BSN: variants seen among roughly 807,000 people sequenced by gnomAD.
The protein encoded by BSN is protein bassoon.
In BSN, 57 loss-of-function variants were observed where a neutral mutation model predicts 264.8. The ratio of observed to expected loss-of-function variants is 0.22; its 90% CI spans 0.17 to 0.27. The LOEUF is 0.27. Ranked by LOEUF, BSN falls within the 10% of genes least tolerant of loss-of-function variation. The pLI, the probability that BSN is intolerant of heterozygous loss-of-function variation, is 1.00. For missense variants in BSN, 4,615 were observed against 5,232.5 expected, an observed-to-expected ratio of 0.88 and a Z score of 3.64; for synonymous variants, 2,059 against 2,137.3, an observed-to-expected ratio of 0.96 and a Z score of 1.01.
chr3:49,654,578 C>G lies in BSN; in HGVS notation c.5022C>G (p.Pro1674=), dbSNP rs768537032. The change falls in exon 5 of 12, where the codon CCC becomes CCG. Residue 1674 remains proline (P), a synonymous_variant. Coordinates refer to ENST00000296452, the MANE Select transcript of BSN (RefSeq NM_003458.4). This position sits in a 1 kb window ranked among gnomAD's most constrained non-coding sequence, Gnocchi z 4.1. The stretch of plus-strand genomic sequence containing the variant: ...TAGACCTCCGTACAGCTGTCAAGCC[C>G]ACTCCCATCATCCTCACTGACCAGG... ...AVVDLRTAVK[P]TPIILTDQGM... 5 of 1,611,862 alleles carry G rather than the reference C, an allele frequency of 3.1e-6. No homozygotes were observed. The highest frequency in any genetic ancestry group is 1.7e-4 in the Middle Eastern group (1 of 6,048).
rs1200789717 is a variant in BSN at position 49,657,739 on chromosome 3, G to A, written c.8183G>A (p.Gly2728Asp). 2 of 1,549,616 alleles carry A rather than the reference G, an allele frequency of 1.3e-6. No individual in the cohort carries two copies. The highest frequency in any genetic ancestry group is 4.5e-5 in the East Asian group (2 of 44,306). The change falls in exon 5 of 12, where the codon GGT (glycine) becomes GAT (aspartate). Residue 2728 changes from glycine to aspartate, a missense_variant. Gly to Asp is a moderately conservative substitution (Grantham distance 94, BLOSUM62 -1). This residue lies in a region of BSN where 3,415 missense variants were observed against 3,866.4 expected (regional missense o/e 0.88). Coordinates refer to ENST00000296452, the MANE Select transcript of BSN (RefSeq NM_003458.4). ...CQTEPDGQAQ[G>D]VAGPQLVGPT... ...ACGGAGCCAGATGGGCAGGCCCAGGGTGTAGCCGGGCCGCAGCTTGTAGGG... is the reference window on the plus strand; with the variant it reads ...ACGGAGCCAGATGGGCAGGCCCAGGATGTAGCCGGGCCGCAGCTTGTAGGG...
rs1398286461 is a variant in BSN at position 49,656,296 on chromosome 3, T to C, written c.6740T>C (p.Ile2247Thr). 1.2e-6 allele frequency: 2 copies of C among 1,613,262 alleles called. No homozygotes were observed. The highest frequency in any genetic ancestry group is 1.7e-5 in the Admixed American group (1 of 60,014). The part of the protein sequence containing the change: ...PLTSLTRVPM[I>T]APRVPLGPTG... ...ACCAGTCTGACACGTGTGCCCATGA[T>C]TGCCCCCCGGGTACCTCTTGGACCC... Residue 2247 changes from isoleucine to threonine, a missense_variant, in exon 5 of 12, where the codon ATT (isoleucine) becomes ACT (threonine). This residue lies in a region of BSN where 3,415 missense variants were observed against 3,866.4 expected (regional missense o/e 0.88). Transcript: ENST00000296452.
At chr3:49,623,542 C>G (rs889828974) in intron 1 of BSN, among the ~76,000 whole-genome samples, 3 of 152,208 alleles carry the variant, frequency 2.0e-5, no homozygotes, top group African/African-American at 7.2e-5. Context: ...TCCTTTGCAG[C>G]CAGATTGGGA....
At position 49,654,216 on chromosome 3, in the gene BSN, G is replaced by A. The variant is rs548526100; in HGVS notation, c.4660G>A (p.Ala1554Thr). The change falls in exon 5 of 12, where the codon GCT (alanine) becomes ACT (threonine). Residue 1554 changes from alanine (A) to threonine (T), a missense_variant. By Grantham distance (58) the Ala-to-Thr change is moderately conservative. Transcript: ENST00000296452. The surrounding 1 kb of genome is among the most constrained non-coding windows in gnomAD (Gnocchi z 4.1). The stretch of plus-strand genomic sequence containing the variant: ...GGTGTGGCAGGAGTCCTCTCAAGAG[G>A]CTCCCTTTATGGTCATCACGCTGGC... ...RLVWQESSQE[A>T]PFMVITLASD... 2 of 1,613,744 alleles carry A rather than the reference G, an allele frequency of 1.2e-6. No individual in the cohort carries two copies. Among genetic ancestry groups the A allele is most frequent in the South Asian group, 2.2e-5 (2 of 91,044 alleles).
intron 1 of BSN, among the ~76,000 whole-genome samples, chr3:49,599,310 G>A (rs935591125): frequency 2.6e-5 from 4 of 152,162 alleles, no homozygotes; most frequent in Non-Finnish European, 4.4e-5. Flanking sequence ...AATCCCTGGG[G>A]TTGACAGTGA....
chr3:49,578,364 A>G (rs2108013372), intron 1 of BSN, among the ~76,000 whole-genome samples: 1 of 151,782 alleles, frequency 6.6e-6, no homozygotes, highest in Non-Finnish European at 1.5e-5. Context: ...TAACTGTGCC[A>G]TCCAATGGTT....
At chr3:49,641,275 T>G (rs1234020432) in intron 2 of BSN, among the ~76,000 whole-genome samples, 1 of 152,264 alleles carries the variant, frequency 6.6e-6, no homozygotes, top group African/African-American at 2.4e-5. Flanking sequence ...CTACCATCTA[T>G]GGACATCATT....
chr3:49,664,953 T>C, intron 10 of BSN, 100 bp downstream of exon 10: 17 of 898,764 alleles, frequency 1.9e-5, no homozygotes, highest in Middle Eastern at 5.2e-4. Context: ...CTGGGAGGAG[T>C]CCAGTCTTCG....
chr3:49,631,537 G>A (rs1350156387), intron 2 of BSN, among the ~76,000 whole-genome samples: 1 of 147,378 alleles, frequency 6.8e-6, no homozygotes, highest in African/African-American at 2.6e-5. Context: ...CAGCCAGGGT[G>A]ACAGAGTAAG....
chr3:49,578,102 A>G (rs2051860637), intron 1 of BSN, among the ~76,000 whole-genome samples: 1 of 152,220 alleles, frequency 6.6e-6, no homozygotes, highest in African/African-American at 2.4e-5. Flanking sequence ...TTAATACATT[A>G]GCACACTAAT....
Position 49,610,138 on chromosome 3 carries a change from T to C in BSN, c.225-14837T>C, listed in dbSNP as rs142694292. Among the ~76,000 whole-genome samples, 802 of 152,262 alleles carry C rather than the reference T, an allele frequency of 5.3e-3. 4 individuals carry two copies. Among genetic ancestry groups the C allele is most frequent in the Middle Eastern group, 0.027 (8 of 294 alleles). On this transcript the variant is annotated intron_variant, in intron 1 of 11. Coordinates refer to ENST00000296452, the MANE Select transcript of BSN (RefSeq NM_003458.4). ...TTTTCTGAGACTCTGCCAGTCCACA[T>C]TGATTTCTCCTTCTGGGAGCCCCCA...
chr3:49,655,081 A>G lies in BSN; in HGVS notation c.5525A>G (p.His1842Arg), dbSNP rs139992101. The G allele has an allele frequency of 3.2e-4, 517 of 1,612,884 alleles. No individual in the cohort carries two copies. The highest frequency in any genetic ancestry group is 4.1e-4 in the Non-Finnish European group (486 of 1,179,998). ...GPVPEPGAEP[H>R]RATPAELRSH... ...GTGCCAGAGCCAGGTGCCGAGCCCC[A>G]CCGGGCCACCCCTGCAGAGCTGCGG... The change falls in exon 5 of 12, where the codon CAC (histidine) becomes CGC (arginine). Residue 1842 changes from histidine to arginine, a missense_variant. Coordinates refer to ENST00000296452, the MANE Select transcript of BSN (RefSeq NM_003458.4).
chr3:49,610,952 G>A (rs2052202246), intron 1 of BSN, among the ~76,000 whole-genome samples: 1 of 152,192 alleles, frequency 6.6e-6, no homozygotes, highest in Non-Finnish European at 1.5e-5. Flanking sequence ...CCTGTGCCTA[G>A]AGCAGGGCTG....
chr3:49,582,325 G>T (rs2051900759), intron 1 of BSN, among the ~76,000 whole-genome samples: 1 of 152,136 alleles, frequency 6.6e-6, no homozygotes, highest in Admixed American at 6.6e-5. Flanking sequence ...TCAAGACAGG[G>T]TCTTGCTGTG....
intron 1 of BSN, among the ~76,000 whole-genome samples, chr3:49,623,611 G>T (rs908832319): frequency 4.6e-5 from 7 of 152,298 alleles, no homozygotes; most frequent in Non-Finnish European, 7.4e-5. Flanking sequence ...GCTGGATCCT[G>T]GAACTCCAGC....
At chr3:49,580,700 C>T (rs2051889836) in intron 1 of BSN, among the ~76,000 whole-genome samples, 1 of 152,198 alleles carries the variant, frequency 6.6e-6, no homozygotes. Context: ...CTCAAGCAAT[C>T]CTCCTGCCTC....
chr3:49,611,123 G>A (rs1239915074), intron 1 of BSN, among the ~76,000 whole-genome samples: 2 of 152,172 alleles, frequency 1.3e-5, no homozygotes, highest in Admixed American at 1.3e-4. Context: ...CCTGTTTGGG[G>A]CAGGACTATG....
intron 1 of BSN, among the ~76,000 whole-genome samples, chr3:49,615,761 G>A (rs1025221091): frequency 6.6e-5 from 10 of 152,226 alleles, no homozygotes; most frequent in African/African-American, 2.4e-4. Context: ...GATGAGGCCA[G>A]CCCTTGATGG....
Position 49,663,414 on chromosome 3 carries a change from A to T in BSN, c.11256A>T (p.Ala3752=). The T allele has an allele frequency of 6.2e-7, 1 of 1,612,900 alleles. No homozygotes were observed. The highest frequency in any genetic ancestry group is 8.5e-7 in the Non-Finnish European group (1 of 1,179,988). Residue 3752 remains alanine, a synonymous_variant, in exon 7 of 12, where the codon GCA becomes GCT. Transcript: ENST00000296452. The part of the protein sequence containing the change: ...QAQPQLQGRQ[A]APGPQQSQSP... Reference sequence around the variant, plus strand: ...AGCCGCAGCTGCAAGGTCGGCAGGCAGCTCCAGGACCACAGCAGTCACAGT... The same window carrying T: ...AGCCGCAGCTGCAAGGTCGGCAGGCTGCTCCAGGACCACAGCAGTCACAGT...
Sources: allele counts gnomAD v4.1 joint callset (sites outside exome capture counted in the v4.1 genomes callset), GRCh38; gene constraint gnomAD v4.1.1; regional missense constraint gnomAD v4.1.1; non-coding constraint Gnocchi (gnomAD v3.1); transcripts MANE v1.5; gene names NCBI Gene and HGNC (gene_info 2026-07-23, HGNC 2026-07-21).